Variants in TOM1L2 observed in about 807,000 individuals in gnomAD.
The protein encoded by TOM1L2 is TOM1-like protein 2.
Under a neutral mutation model 67.9 loss-of-function variants are expected in TOM1L2, and 31 were observed. The observed-to-expected ratio is 0.46, with a 90% confidence interval of 0.34 to 0.62. The LOEUF (loss-of-function observed/expected upper bound fraction) is 0.62, where lower values mean the gene tolerates loss of function less well. Among genes scored for constraint, TOM1L2 ranks in the 20% least tolerant of loss-of-function variants. TOM1L2 has a pLI of 0.01. For missense variants in TOM1L2, 606 were observed against 663.5 expected, an observed-to-expected ratio of 0.91 and a Z score of 0.95; for synonymous variants, 256 against 254.0, an observed-to-expected ratio of 1.01 and a Z score of -0.07.
At chr17:17,885,924 CAA>C (rs35579807) in intron 4 of TOM1L2, among the ~76,000 whole-genome samples, 3,677 of 66,000 alleles carry the variant, frequency 0.056, 112 homozygotes, top group African/African-American at 0.19. Flanking sequence ...GACTCCGTCT[CAA>C]AAAAAAAAAA....
In TOM1L2 at chr17:17,856,606, C is replaced by T. The variant is rs576649110; in HGVS notation, c.1278+4870G>A. 1.1e-4 allele frequency among the ~76,000 whole-genome samples: 16 copies of T among 152,332 alleles called. 1 individual carries two copies. The East Asian group carries it at 3.1e-3, about 29-fold the overall frequency. ...CCTCTGGCCACAGCCTAGCATAGCA[C>T]ACTATGGGCAGTTATGTATTCCTCT... On this transcript the variant is annotated intron_variant, in intron 12 of 14. Coordinates refer to ENST00000379504, the MANE Select transcript of TOM1L2 (RefSeq NM_001082968.2).
At position 17,845,774 on chromosome 17, in the gene TOM1L2, CAG is replaced by C. The variant is rs1471680872; in HGVS notation, c.*1859_*1860del. On this transcript the variant is annotated 3_prime_UTR_variant, in exon 15 of 15. Coordinates refer to ENST00000379504, the MANE Select transcript of TOM1L2 (RefSeq NM_001082968.2). ...GCAGTCTTCACATTCAAGCTGGCCTCAGGGGGGTCTGTCTTTGAGAAACATTG... is the reference window on the plus strand; with the variant it reads ...GCAGTCTTCACATTCAAGCTGGCCTCGGGGGTCTGTCTTTGAGAAACATTG... 1 of 152,324 alleles carries C rather than the reference CAG, an allele frequency of 6.6e-6. No homozygotes were observed. Among genetic ancestry groups the C allele is most frequent in the Admixed American group, 6.5e-5 (1 of 15,286 alleles). 9.4% of individuals were successfully genotyped at this position (152,324 alleles called of 1,614,324 possible). A position where few individuals can be genotyped will look rare whatever the true frequency, so the allele number is the denominator to read the frequency against.
chr17:17,952,907 G>A (rs769681432), intron 1 of TOM1L2, among the ~76,000 whole-genome samples: 2 of 152,070 alleles, frequency 1.3e-5, no homozygotes, highest in African/African-American at 2.4e-5. Flanking sequence ...TTCCTCCTCC[G>A]CTGCCCTGAC....
chr17:17,950,064 G>A (rs2041130137), intron 1 of TOM1L2, among the ~76,000 whole-genome samples: 1 of 151,902 alleles, frequency 6.6e-6, no homozygotes, highest in African/African-American at 2.4e-5. Context: ...AGTAGAGATG[G>A]GGTTTCACCA....
chr17:17,860,884 C>T (rs533753362), intron 12 of TOM1L2, among the ~76,000 whole-genome samples: 1 of 152,220 alleles, frequency 6.6e-6, no homozygotes, highest in Non-Finnish European at 1.5e-5. Context: ...ACCCCCTCAC[C>T]GCCACAGGAC....
chr17:17,933,372 G>C (rs1253284671), intron 1 of TOM1L2, among the ~76,000 whole-genome samples: 8 of 152,168 alleles, frequency 5.3e-5, no homozygotes, highest in African/African-American at 1.4e-4. Context: ...AGCTGCAAGG[G>C]AAACTAAGTA....
At chr17:17,892,569 C>T (rs1372004847) in intron 4 of TOM1L2, among the ~76,000 whole-genome samples, 1 of 152,164 alleles carries the variant, frequency 6.6e-6, no homozygotes, top group Non-Finnish European at 1.5e-5. Flanking sequence ...CATGCATGGC[C>T]ACTGGCCTCT....
intron 2 of TOM1L2, among the ~76,000 whole-genome samples, chr17:17,899,899 C>T (rs2038761811): frequency 6.6e-6 from 1 of 152,168 alleles, no homozygotes; most frequent in Non-Finnish European, 1.5e-5. Flanking sequence ...GGTTGATGCT[C>T]TGCTAATCAG....
chr17:17,939,730 A>G (rs1386019662), intron 1 of TOM1L2, among the ~76,000 whole-genome samples: 1 of 152,252 alleles, frequency 6.6e-6, no homozygotes, highest in Non-Finnish European at 1.5e-5. Flanking sequence ...AAATTGACAC[A>G]TTCAATATTC....
At chr17:17,848,416 C>T (rs995590246) in intron 14 of TOM1L2, among the ~76,000 whole-genome samples, 5 of 152,092 alleles carry the variant, frequency 3.3e-5, no homozygotes, top group East Asian at 1.9e-4. Context: ...ACTAAGACCC[C>T]GCTGCTCCCA....
intron 1 of TOM1L2, among the ~76,000 whole-genome samples, chr17:17,950,858 C>T (rs2041172701): frequency 6.6e-6 from 1 of 152,182 alleles, no homozygotes; most frequent in South Asian, 2.1e-4. Context: ...AGAATGGAAA[C>T]TGCAAGATCT....
At chr17:17,882,536 C>T (rs1025977596) in intron 6 of TOM1L2, among the ~76,000 whole-genome samples, 169 bp downstream of exon 6, 2 of 152,216 alleles carry the variant, frequency 1.3e-5, no homozygotes, top group African/African-American at 4.8e-5. Flanking sequence ...TGACCACAAT[C>T]CATCATGACT....
intron 1 of TOM1L2, among the ~76,000 whole-genome samples, chr17:17,930,132 A>G (rs887140585): frequency 2.0e-5 from 3 of 152,366 alleles, no homozygotes; most frequent in Admixed American, 6.5e-5. Context: ...CCAAGCCTGA[A>G]GTCCTTAAGG....
intron 1 of TOM1L2, among the ~76,000 whole-genome samples, chr17:17,968,448 C>G (rs759965313): frequency 6.6e-6 from 1 of 152,096 alleles, no homozygotes. Context: ...GGGTGGATCA[C>G]GAGGTCAGGA....
At chr17:17,942,240 A>C (rs899734898) in intron 1 of TOM1L2, among the ~76,000 whole-genome samples, 1 of 152,212 alleles carries the variant, frequency 6.6e-6, no homozygotes, top group East Asian at 1.9e-4. Context: ...TGCCTGACCC[A>C]AGATCAGCAT....
At chr17:17,867,391 C>A (rs1302317016) in intron 8 of TOM1L2, among the ~76,000 whole-genome samples, 1 of 152,178 alleles carries the variant, frequency 6.6e-6, no homozygotes, top group Non-Finnish European at 1.5e-5. Flanking sequence ...GGACGCATGG[C>A]CCTGGCTACG....
Position 17,962,528 on chromosome 17 carries a change from G to A in TOM1L2, c.52+9734C>T, listed in dbSNP as rs142548610. On this transcript the variant is annotated intron_variant, in intron 1 of 14. Coordinates refer to ENST00000379504, the MANE Select transcript of TOM1L2 (RefSeq NM_001082968.2). ...AGGGTTTCACCGTGTTGCGCAGGCT[G>A]GTCTCGAACTCCTGAGCTCAGGCAA... Among the ~76,000 whole-genome samples, 966 of 152,044 alleles carry A rather than the reference G, an allele frequency of 6.4e-3. 11 individuals are homozygous for A. The highest frequency in any genetic ancestry group is 0.057 in the East Asian group (292 of 5,130).
intron 3 of TOM1L2, among the ~76,000 whole-genome samples, chr17:17,897,852 A>G (rs1015966853): frequency 6.6e-6 from 1 of 151,960 alleles, no homozygotes; most frequent in Admixed American, 6.6e-5. Context: ...GGTTGTAAAC[A>G]TATTCATTAA....
At chr17:17,962,311 G>T (rs1393648562) in intron 1 of TOM1L2, among the ~76,000 whole-genome samples, 2 of 141,264 alleles carry the variant, frequency 1.4e-5, no homozygotes, top group Non-Finnish European at 3.0e-5. Context: ...ATGGCCAGTG[G>T]TGATTGTTGC....
Sources: allele counts gnomAD v4.1 joint callset (sites outside exome capture counted in the v4.1 genomes callset), GRCh38; gene constraint gnomAD v4.1.1; transcripts MANE v1.5; gene names NCBI Gene and HGNC (gene_info 2026-07-23, HGNC 2026-07-21).